The following PLCE1 variants were observed in gnomAD, a reference collection of about 807,000 sequenced individuals.
PLCE1 encodes 1-phosphatidylinositol 4,5-bisphosphate phosphodiesterase epsilon-1.
Under a neutral mutation model 242.8 loss-of-function variants are expected in PLCE1, and 119 were observed. The observed-to-expected ratio is 0.49, with a 90% CI of 0.42 to 0.57. PLCE1 has a LOEUF of 0.57. Ranked by LOEUF, PLCE1 falls within the 20% of genes least tolerant of loss-of-function variation. The pLI is 0.00. For missense variants in PLCE1, 2,441 were observed against 2,788.8 expected (o/e 0.88, Z 2.81); for synonymous variants, 945 against 1,017.4 (o/e 0.93, Z 1.35).
At chr10:94,231,649 G>A (rs1183650696) in intron 5 of PLCE1, among the ~76,000 whole-genome samples, 1 of 150,874 alleles carries the variant, frequency 6.6e-6, no homozygotes, top group East Asian at 1.9e-4. Flanking sequence ...TAGCATCAGA[G>A]ACCAGTTTCA....
chr10:94,316,977 G>A (rs547092252), intron 29 of PLCE1, among the ~76,000 whole-genome samples: 2 of 152,368 alleles, frequency 1.3e-5, no homozygotes, highest in South Asian at 4.1e-4. Flanking sequence ...TAGACCGGGC[G>A]TGGTGGCTCA....
chr10:94,273,503 T>C, intron 18 of PLCE1, 59 bp from the exon 19 acceptor site: 1 of 1,427,016 alleles, frequency 7.0e-7, no homozygotes, highest in Non-Finnish European at 9.9e-7. Context: ...GAAGTGTACA[T>C]ATATTTATCA....
chr10:94,032,125 C>T lies in PLCE1; in HGVS notation c.1079C>T (p.Ala360Val), dbSNP rs1432513098. 1.1e-5 allele frequency: 17 copies of T among 1,609,310 alleles called. No individual in the cohort carries two copies. The highest frequency in any genetic ancestry group is 1.3e-5 in the African/African-American group (1 of 74,620). The part of the protein sequence containing the change: ...TLPSGHIGLT[A>V]WSYIDQKRNG... ...CCTTCTGGCCACATTGGGCTGACTG[C>T]ATGGAGTTACATAGATCAGAAGAGA... Residue 360 changes from alanine (A) to valine (V), a missense_variant, in exon 2 of 33, where the codon GCA becomes GTA. Around this residue, in one of 5 missense-constraint regions of PLCE1, gnomAD observed 733 missense variants for 754.2 expected, o/e 0.97. Transcript: ENST00000371380.
intron 32 of PLCE1, among the ~76,000 whole-genome samples, chr10:94,326,493 T>C (rs772613498): frequency 2.3e-4 from 35 of 152,244 alleles, no homozygotes; most frequent in Non-Finnish European, 4.4e-4. Flanking sequence ...TGTGATGTTA[T>C]ACACACCTCT....
chr10:94,053,340 A>T (rs531812744), intron 2 of PLCE1, among the ~76,000 whole-genome samples: 1 of 152,248 alleles, frequency 6.6e-6, no homozygotes, highest in Non-Finnish European at 1.5e-5. Flanking sequence ...TGCTATTGTC[A>T]TTATGATCTC....
chr10:94,112,299 A>G, intron 2 of PLCE1, among the ~76,000 whole-genome samples: 1 of 152,252 alleles, frequency 6.6e-6, no homozygotes, highest in Middle Eastern at 3.2e-3. Flanking sequence ...AATGCATTCA[A>G]TTAGGTTGAA....
intron 3 of PLCE1, among the ~76,000 whole-genome samples, chr10:94,170,470 G>T (rs540021615): frequency 6.6e-6 from 1 of 152,314 alleles, no homozygotes; most frequent in Admixed American, 6.5e-5. Context: ...TCCATCTCAT[G>T]AACTGCCACC....
chr10:94,148,652 T>C (rs2047186061), intron 3 of PLCE1, among the ~76,000 whole-genome samples: 1 of 152,080 alleles, frequency 6.6e-6, no homozygotes, highest in Non-Finnish European at 1.5e-5. Flanking sequence ...AAATTTTCCT[T>C]TCCAAGAAAA....
intron 2 of PLCE1, among the ~76,000 whole-genome samples, chr10:94,067,902 G>A (rs1453910568): frequency 6.6e-6 from 1 of 152,178 alleles, no homozygotes; most frequent in Non-Finnish European, 1.5e-5. Context: ...GAAGGGAGGA[G>A]TATGGGTCTT....
chr10:94,088,299 T>C (rs2044919004), intron 2 of PLCE1: 1 of 152,230 alleles, frequency 6.6e-6, no homozygotes, highest in South Asian at 2.1e-4. Context: ...ACTATTATGA[T>C]CAGTAATACA....
intron 19 of PLCE1, among the ~76,000 whole-genome samples, chr10:94,277,861 G>A (rs570249748): frequency 4.4e-4 from 67 of 152,298 alleles, no homozygotes; most frequent in Middle Eastern, 3.4e-3. Context: ...GCCCTTTAGC[G>A]TATTAAATGA....
At chr10:94,097,568 G>T (rs115322119) in intron 2 of PLCE1, among the ~76,000 whole-genome samples, 2,462 of 152,240 alleles carry the variant, frequency 0.016, 56 homozygotes, top group African/African-American at 0.055. Context: ...ATTAAGGAAG[G>T]TATCCAGTGA....
At chr10:94,108,959 T>G (rs983059934) in intron 2 of PLCE1, 3 of 152,246 alleles carry the variant, frequency 2.0e-5, no homozygotes, top group Non-Finnish European at 2.9e-5. Context: ...AGACTTCCTT[T>G]TCTGCAATTG....
chr10:94,113,343 C>G (rs2046013956), intron 2 of PLCE1, among the ~76,000 whole-genome samples: 1 of 149,656 alleles, frequency 6.7e-6, no homozygotes, highest in African/African-American at 2.5e-5. Flanking sequence ...TTAGGAACAG[C>G]AGAGAAGAAA....
intron 4 of PLCE1, among the ~76,000 whole-genome samples, chr10:94,191,912 C>T (rs1174884560): frequency 6.6e-6 from 1 of 152,196 alleles, no homozygotes; most frequent in Non-Finnish European, 1.5e-5. Flanking sequence ...GGAAGAAACC[C>T]CTGGTTTTAG....
intron 2 of PLCE1, among the ~76,000 whole-genome samples, chr10:94,084,212 C>T (rs2044735869): frequency 6.6e-6 from 1 of 152,182 alleles, no homozygotes; most frequent in Non-Finnish European, 1.5e-5. Flanking sequence ...CCAGTCTGGA[C>T]TTTGAAAATT....
chr10:94,180,975 C>A (rs941761911), intron 4 of PLCE1, among the ~76,000 whole-genome samples: 4 of 152,184 alleles, frequency 2.6e-5, no homozygotes, highest in Non-Finnish European at 4.4e-5. Context: ...TATAGCAGCA[C>A]AAAATGGACT....
At chr10:94,014,849 T>C (rs1402050820) in intron 1 of PLCE1, among the ~76,000 whole-genome samples, 1 of 152,184 alleles carries the variant, frequency 6.6e-6, no homozygotes, top group African/African-American at 2.4e-5. Flanking sequence ...TCAAAATCTC[T>C]TGGGTTCCAC....
At chr10:94,309,822 T>C (rs1024309623) in intron 27 of PLCE1, among the ~76,000 whole-genome samples, 2 of 151,924 alleles carry the variant, frequency 1.3e-5, no homozygotes, top group Non-Finnish European at 2.9e-5. Context: ...ATAGCTTGAG[T>C]CCAGGAGTTC....
Sources: allele counts gnomAD v4.1 joint callset (sites outside exome capture counted in the v4.1 genomes callset), GRCh38; gene constraint gnomAD v4.1.1; regional missense constraint gnomAD v4.1.1; transcripts MANE v1.5; gene names NCBI Gene and HGNC (gene_info 2026-07-23, HGNC 2026-07-21).